The following ESRRG variants were observed in gnomAD, a reference collection of about 807,000 sequenced individuals.
ESRRG encodes estrogen related receptor gamma, also known as estrogen-related receptor gamma.
In ESRRG, 13 loss-of-function variants were observed where a neutral mutation model predicts 44.0. The ratio of observed to expected loss-of-function variants is 0.30; its 90% CI spans 0.19 to 0.47. The LOEUF (loss-of-function observed/expected upper bound fraction) is 0.47. Among genes scored for constraint, ESRRG ranks in the 20% least tolerant of loss-of-function variants. The pLI is 1.00. For missense variants in ESRRG, 395 were observed against 580.6 expected (o/e 0.68, Z 3.29); for synonymous variants, 215 against 214.6 (o/e 1.00, Z -0.02).
intron 2 of ESRRG, among the ~76,000 whole-genome samples, chr1:216,785,293 TA>T (rs2094086472): frequency 6.6e-6 from 1 of 152,066 alleles, no homozygotes; most frequent in African/African-American, 2.4e-5. Flanking sequence ...GTTTTGGCAT[TA>T]AAAGTTACTA....
At chr1:216,605,080 A>T (rs2059748433) in intron 3 of ESRRG, among the ~76,000 whole-genome samples, 1 of 152,210 alleles carries the variant, frequency 6.6e-6, no homozygotes, top group Non-Finnish European at 1.5e-5. Context: ...ACAGTGCAGA[A>T]CTAGGCCAGT....
Position 216,668,744 on chromosome 1 carries a change from G to A in ESRRG, c.472+8332C>T, listed in dbSNP as rs545357383. 5.3e-5 allele frequency among the ~76,000 whole-genome samples: 8 copies of A among 151,802 alleles called. No individual in the cohort carries two copies. In the East Asian group the frequency reaches 5.8e-4, roughly 11 times the overall value. On this transcript the variant is annotated intron_variant, in intron 2 of 6. Transcript: ENST00000408911. The stretch of plus-strand genomic sequence containing the variant: ...CACTCACACACACACATATATTCAC[G>A]CATATATATTATAGTGCTCACAGAT...
intron 2 of ESRRG, among the ~76,000 whole-genome samples, chr1:216,895,394 T>C (rs1029295610): frequency 6.6e-6 from 1 of 152,164 alleles, no homozygotes. Flanking sequence ...ATGACATATA[T>C]GGGGATCCAA....
At chr1:216,729,208 C>T (rs1370889807) in intron 2 of ESRRG, among the ~76,000 whole-genome samples, 1 of 152,140 alleles carries the variant, frequency 6.6e-6, no homozygotes, top group African/African-American at 2.4e-5. Flanking sequence ...GTTTGGGGAC[C>T]ATATGATCCC....
chr1:216,963,873 AAAG>A (rs1318144176), intron 1 of ESRRG, among the ~76,000 whole-genome samples: 1 of 152,138 alleles, frequency 6.6e-6, no homozygotes, highest in Non-Finnish European at 1.5e-5. Flanking sequence ...CACATTAGGA[AAAG>A]AAGTGATCTG....
intron 1 of ESRRG, among the ~76,000 whole-genome samples, chr1:216,683,827 AT>A (rs2077462990): frequency 1.3e-5 from 2 of 152,016 alleles, no homozygotes; most frequent in South Asian, 2.1e-4. Context: ...TTCTCATTTA[AT>A]TTTTTTCTAA....
At chr1:216,612,577 T>C (rs1420610031) in intron 3 of ESRRG, among the ~76,000 whole-genome samples, 1 of 152,194 alleles carries the variant, frequency 6.6e-6, no homozygotes. Context: ...TGGTCTGTGC[T>C]AGCCCAAACA....
intron 1 of ESRRG, among the ~76,000 whole-genome samples, chr1:216,682,877 T>C (rs59351522): frequency 0.19 from 29,093 of 151,954 alleles, 3,350 homozygotes; most frequent in Middle Eastern, 0.27. Context: ...ATGAGCTTTT[T>C]TCCCCCCTGC....
At chr1:216,605,824 T>G (rs1405141299) in intron 3 of ESRRG, among the ~76,000 whole-genome samples, 1 of 151,586 alleles carries the variant, frequency 6.6e-6, no homozygotes, top group Non-Finnish European at 1.5e-5. Context: ...GGTTTCATCC[T>G]TATGCACCCA....
chr1:216,591,881 T>C (rs907536523), intron 3 of ESRRG, among the ~76,000 whole-genome samples: 3 of 152,204 alleles, frequency 2.0e-5, no homozygotes, highest in African/African-American at 7.2e-5. Context: ...GGGAATGGAA[T>C]AATTATAGTC....
rs554692911 is a variant in ESRRG, at chr1:217,087,074, A to G, written c.-106+2433T>C. Among the ~76,000 whole-genome samples the G allele has an allele frequency of 8.3e-4, 127 of 152,340 alleles. 1 individual carries two copies. Among genetic ancestry groups the G allele is most frequent in the African/African-American group, 2.9e-3 (120 of 41,588 alleles). ...GCATCAGAAAAGTTTTCTCTTGAGT[A>G]TTCAGGTAAGGTGCATAGCATGTCT... On this transcript the variant is annotated intron_variant, in intron 1 of 7. Transcript: ENST00000359162.
At chr1:216,769,786 G>C (rs1262305811) in intron 2 of ESRRG, among the ~76,000 whole-genome samples, 1 of 152,078 alleles carries the variant, frequency 6.6e-6, no homozygotes, top group Non-Finnish European at 1.5e-5. Context: ...TATAAACATT[G>C]AATTTGAAAT....
chr1:216,590,876 G>T lies in ESRRG; in HGVS notation c.590-22778C>A, dbSNP rs78175686. Among the ~76,000 whole-genome samples the T allele has an allele frequency of 7.8e-3, 1,194 of 152,150 alleles. 5 individuals are homozygous for T. Among genetic ancestry groups the T allele is most frequent in the South Asian group, 0.015 (72 of 4,810 alleles). On this transcript the variant is annotated intron_variant, in intron 3 of 6. Coordinates refer to ENST00000408911, the MANE Select transcript of ESRRG (RefSeq NM_001438.4). ...TTCTATCTCCTAAAGCTTACACTTT[G>T]TTGGTACATGACTTTCTAAGCTTAA...
intron 1 of ESRRG, among the ~76,000 whole-genome samples, chr1:217,123,590 C>A (rs1227914271): frequency 1.3e-5 from 2 of 152,088 alleles, no homozygotes; most frequent in Admixed American, 1.3e-4. Flanking sequence ...AGAATGAGAT[C>A]ATGTCCTTCG....
At chr1:216,822,085 G>A (rs567545042) in intron 2 of ESRRG, among the ~76,000 whole-genome samples, 25 of 152,140 alleles carry the variant, frequency 1.6e-4, no homozygotes, top group African/African-American at 5.8e-4. Context: ...CTCAGATTGG[G>A]ACCTTCTACA....
Position 216,605,148 on chromosome 1 carries a change from C to T in ESRRG, c.590-37050G>A, listed in dbSNP as rs1433427817. On this transcript the variant is annotated intron_variant, in intron 3 of 6. Transcript: ENST00000408911. ...ACTTACTAAAGGAGTTTTCCATTTT[C>T]TTCTTTTTTTTGCATTAATATTGTT... 2.6e-5 allele frequency among the ~76,000 whole-genome samples: 4 copies of T among 152,272 alleles called. No homozygotes were observed. The South Asian group carries it at 6.2e-4, about 24-fold the overall frequency.
At chr1:216,982,303 A>G (rs767775465) in intron 1 of ESRRG, among the ~76,000 whole-genome samples, 48 of 152,354 alleles carry the variant, frequency 3.2e-4, no homozygotes, top group Non-Finnish European at 6.3e-4. Context: ...TCTAGAAAAA[A>G]GTATTTTCTT....
chr1:216,766,539 T>A (rs558160926), intron 2 of ESRRG, among the ~76,000 whole-genome samples: 3 of 152,006 alleles, frequency 2.0e-5, no homozygotes, highest in Admixed American at 6.6e-5. Context: ...CAATACCATA[T>A]GAACTGCTTT....
At chr1:216,756,714 C>T (rs796276843) in intron 2 of ESRRG, among the ~76,000 whole-genome samples, 19 of 151,972 alleles carry the variant, frequency 1.3e-4, no homozygotes, top group African/African-American at 3.9e-4. Flanking sequence ...AATTAAAGAG[C>T]GAAATGTTGA....
Sources: allele counts gnomAD v4.1 joint callset (sites outside exome capture counted in the v4.1 genomes callset), GRCh38; gene constraint gnomAD v4.1.1; transcripts MANE v1.5; gene names NCBI Gene and HGNC (gene_info 2026-07-23, HGNC 2026-07-21).